GAREM1: variants seen among roughly 807,000 people sequenced by gnomAD.
The protein encoded by GAREM1 is GRB2-associated and regulator of MAPK protein 1.
In GAREM1, 26 loss-of-function variants were observed where a neutral mutation model predicts 71.3. The observed-to-expected ratio is 0.36, with a 90% CI of 0.27 to 0.51. The LOEUF (loss-of-function observed/expected upper bound fraction) is 0.51. GAREM1 is among the 20% of genes least tolerant of loss of function. The pLI is 0.95. For synonymous variants in GAREM1, 440 were observed against 433.2 expected, an observed-to-expected ratio of 1.02 and a Z score of -0.20; for missense variants, 1,026 against 1,103.1, an observed-to-expected ratio of 0.93 and a Z score of 0.99.
intron 1 of GAREM1, among the ~76,000 whole-genome samples, chr18:32,428,028 G>C (rs989039715): frequency 1.3e-5 from 2 of 152,038 alleles, no homozygotes; most frequent in Non-Finnish European, 2.9e-5. Context: ...TTATGTAAGA[G>C]GAAAAGGAAA....
intron 2 of GAREM1, among the ~76,000 whole-genome samples, chr18:32,387,952 A>G (rs1339951359): frequency 6.6e-6 from 1 of 152,186 alleles, no homozygotes; most frequent in East Asian, 1.9e-4. Flanking sequence ...GCACTGCCCA[A>G]CTCCAAGGGA....
At chr18:32,274,636 G>C (rs1453791296) in intron 4 of GAREM1, among the ~76,000 whole-genome samples, 2 of 152,058 alleles carry the variant, frequency 1.3e-5, no homozygotes, top group Non-Finnish European at 2.9e-5. Context: ...AGTCTATATG[G>C]GCACGCAGGT....
At chr18:32,314,141 A>C (rs2144525216) in intron 2 of GAREM1, among the ~76,000 whole-genome samples, 1 of 152,184 alleles carries the variant, frequency 6.6e-6, no homozygotes, top group Middle Eastern at 3.4e-3. Flanking sequence ...TATTTAAACA[A>C]ATTCTATCAC....
At chr18:32,454,603 C>A (rs564794314) in intron 1 of GAREM1, among the ~76,000 whole-genome samples, 1 of 152,136 alleles carries the variant, frequency 6.6e-6, no homozygotes, top group Non-Finnish European at 1.5e-5. Context: ...ATATAATTCA[C>A]TAAGTCTTAA....
At chr18:32,360,026 T>G (rs1475611444) in intron 2 of GAREM1, among the ~76,000 whole-genome samples, 1 of 152,096 alleles carries the variant, frequency 6.6e-6, no homozygotes, top group African/African-American at 2.4e-5. Flanking sequence ...ATTCCTTTTC[T>G]GGGACATCTA....
chr18:32,465,978 T>G (rs918212097), intron 1 of GAREM1, among the ~76,000 whole-genome samples: 1 of 152,162 alleles, frequency 6.6e-6, no homozygotes, highest in Non-Finnish European at 1.5e-5. Context: ...GAAAAGACCT[T>G]GGGTAGAGAA....
intron 1 of GAREM1, among the ~76,000 whole-genome samples, chr18:32,453,961 G>A (rs1271132327): frequency 1.3e-5 from 2 of 152,014 alleles, no homozygotes; most frequent in African/African-American, 2.4e-5. Context: ...CCTTCATAGA[G>A]GTCAGAATCT....
chr18:32,345,061 C>T (rs531545557), intron 2 of GAREM1, among the ~76,000 whole-genome samples: 18 of 151,596 alleles, frequency 1.2e-4, no homozygotes, highest in Non-Finnish European at 2.1e-4. Flanking sequence ...GACTCAGTCT[C>T]GAAAAAAACA....
intron 5 of GAREM1, among the ~76,000 whole-genome samples, chr18:32,269,049 G>C (rs186871866): frequency 1.3e-5 from 2 of 152,300 alleles, no homozygotes; most frequent in East Asian, 1.9e-4. Context: ...GGATCTTTAT[G>C]ATGAGGAAAA....
intron 1 of GAREM1, among the ~76,000 whole-genome samples, chr18:32,394,713 C>G (rs143600736): frequency 4.7e-4 from 71 of 152,304 alleles, no homozygotes; most frequent in African/African-American, 1.6e-3. Context: ...AAGGAAAAAT[C>G]TAGAACTGCT....
At chr18:32,388,998 A>G (rs1208683487) in intron 2 of GAREM1, among the ~76,000 whole-genome samples, 1 of 152,084 alleles carries the variant, frequency 6.6e-6, no homozygotes, top group Admixed American at 6.6e-5. Context: ...TATGCTGTCT[A>G]CTCTCAAATA....
At position 32,264,009 on chromosome 18, in the gene GAREM1, T is replaced by A. The variant is rs941886750; in HGVS notation, c.*3862A>T. 2.0e-5 allele frequency: 3 copies of A among 152,176 alleles called. No homozygotes were observed. The highest frequency in any genetic ancestry group is 4.4e-5 in the Non-Finnish European group (3 of 68,012). 9.4% of individuals were successfully genotyped at this position (152,176 alleles called of 1,614,324 possible). A position where few individuals can be genotyped will look rare whatever the true frequency, so the allele number is the denominator to read the frequency against. ...AAACTGAAATCACGTTTATTCCTTG[T>A]TTCTGGCTATCACAATGAGACAAAT... On this transcript the variant is annotated 3_prime_UTR_variant, in exon 6 of 6. Coordinates refer to ENST00000269209, the MANE Select transcript of GAREM1 (RefSeq NM_001242409.2).
In GAREM1 at chr18:32,274,197, C is replaced by T. The variant is rs74445135; in HGVS notation, c.1567-3814G>A. ...ATTACATGCTATGGTGGGCTGTATGCGTTCTGGGATTCAGAAGTGACAGAG... is the reference window on the plus strand; with the variant it reads ...ATTACATGCTATGGTGGGCTGTATGTGTTCTGGGATTCAGAAGTGACAGAG... On this transcript the variant is annotated intron_variant, in intron 4 of 5. Coordinates refer to ENST00000269209, the MANE Select transcript of GAREM1 (RefSeq NM_001242409.2). Among the ~76,000 whole-genome samples the T allele has an allele frequency of 6.9e-3, 1,047 of 152,218 alleles. 14 individuals are homozygous for T. Among genetic ancestry groups the T allele is most frequent in the African/African-American group, 0.024 (1,005 of 41,536 alleles).
chr18:32,430,493 G>A (rs1184394771), intron 1 of GAREM1, among the ~76,000 whole-genome samples: 1 of 152,204 alleles, frequency 6.6e-6, no homozygotes, highest in Non-Finnish European at 1.5e-5. Context: ...TTGGAAGGAA[G>A]GGAGTCTCAG....
intron 1 of GAREM1, among the ~76,000 whole-genome samples, chr18:32,415,373 C>T (rs2048457343): frequency 6.6e-6 from 1 of 151,978 alleles, no homozygotes; most frequent in African/African-American, 2.4e-5. Context: ...CAGTGTTACC[C>T]TGATACCCAA....
chr18:32,309,273 CAAAGGACCT>C (rs746316500), intron 3 of GAREM1, among the ~76,000 whole-genome samples: 6 of 149,438 alleles, frequency 4.0e-5, no homozygotes, highest in Non-Finnish European at 5.9e-5. Context: ...CAAGTCTAGT[CAAAGGACCT>C]CGGTCAACAT....
At chr18:32,400,691 T>C (rs1235021807) in intron 1 of GAREM1, among the ~76,000 whole-genome samples, 2 of 152,172 alleles carry the variant, frequency 1.3e-5, no homozygotes, top group Admixed American at 6.5e-5. Context: ...CTGGAGAGGA[T>C]GTGGAGAAAT....
Position 32,313,837 on chromosome 18 carries a change from A to T in GAREM1, c.263-3514T>A, listed in dbSNP as rs369432988. Among the ~76,000 whole-genome samples, 57 of 152,308 alleles carry T rather than the reference A, an allele frequency of 3.7e-4. 1 individual carries two copies. In the South Asian group the frequency reaches 0.011, roughly 29 times the overall value. On this transcript the variant is annotated intron_variant, in intron 2 of 5. Coordinates refer to ENST00000269209, the MANE Select transcript of GAREM1 (RefSeq NM_001242409.2). Reference sequence around the variant, plus strand: ...CCACCTGAAAGGGCTTCTCTCAGGGAATATCCAAGTTTGGGCTTAACAAGA... The same window carrying T: ...CCACCTGAAAGGGCTTCTCTCAGGGTATATCCAAGTTTGGGCTTAACAAGA...
rs575499941 is a variant in GAREM1 at position 32,341,247 on chromosome 18, C to T, written c.263-30924G>A. Among the ~76,000 whole-genome samples the T allele has an allele frequency of 3.8e-3, 574 of 152,180 alleles. 4 individuals are homozygous for T. Among genetic ancestry groups the T allele is most frequent in the Non-Finnish European group, 5.8e-3 (395 of 68,010 alleles). On this transcript the variant is annotated intron_variant, in intron 2 of 5. Transcript: ENST00000269209. ...TGCAGTGTTTGGTTTTCCATCCTTG[C>T]GATAGTTTGCTGAGAATGATGGTTT... is the stretch of plus-strand genomic sequence containing the variant.
Sources: gnomAD v4.1 joint callset for allele counts (sites outside exome capture counted in the v4.1 genomes callset) on GRCh38, gnomAD v4.1.1 for gene constraint, MANE v1.5 for transcripts, NCBI Gene and HGNC (gene_info 2026-07-23, HGNC 2026-07-21) for gene names.